The following STIM1 variants were observed in gnomAD, a reference collection of about 807,000 sequenced individuals.
STIM1 encodes the protein stromal interaction molecule 1.
In STIM1, 25 loss-of-function variants were observed where a neutral mutation model predicts 74.7. The observed-to-expected ratio is 0.33, with a 90% CI of 0.24 to 0.47. STIM1 has a LOEUF of 0.47. Among genes scored for constraint, STIM1 ranks in the 20% least tolerant of loss-of-function variants. The pLI is 1.00. For synonymous variants in STIM1, 328 were observed against 348.8 expected (o/e 0.94, Z 0.66); for missense variants, 728 against 920.8 (o/e 0.79, Z 2.71).
intron 2 of STIM1, among the ~76,000 whole-genome samples, chr11:4,017,798 C>G (rs966423907): frequency 1.3e-5 from 2 of 152,178 alleles, no homozygotes; most frequent in East Asian, 3.8e-4. Flanking sequence ...AAATTCTCAT[C>G]ACTTCCACAG....
At chr11:3,860,781 C>T (rs2090564758) in intron 1 of STIM1, among the ~76,000 whole-genome samples, 1 of 152,134 alleles carries the variant, frequency 6.6e-6, no homozygotes, top group Non-Finnish European at 1.5e-5. Flanking sequence ...TAACTTAAAT[C>T]AGTTTTTCAT....
At chr11:4,055,734 G>A in intron 4 of STIM1, 97 bp downstream of exon 4, 4 of 872,142 alleles carry the variant, frequency 4.6e-6, no homozygotes, top group Non-Finnish European at 7.2e-6. Flanking sequence ...GTGAGGTTCT[G>A]CCTTTTTCAG....
At chr11:4,077,784 C>T (rs1361633215) in intron 7 of STIM1, among the ~76,000 whole-genome samples, 1 of 152,110 alleles carries the variant, frequency 6.6e-6, no homozygotes, top group Non-Finnish European at 1.5e-5. Flanking sequence ...CTGCATTCTA[C>T]TGTAAGCATT....
intron 3 of STIM1, among the ~76,000 whole-genome samples, chr11:4,040,778 A>T (rs2094141575): frequency 6.6e-6 from 1 of 152,008 alleles, no homozygotes; most frequent in Non-Finnish European, 1.5e-5. Context: ...ATGCTGCCAG[A>T]CTTCTCTAAT....
intron 1 of STIM1, among the ~76,000 whole-genome samples, chr11:3,861,085 T>C (rs751866801): frequency 1.3e-5 from 2 of 151,602 alleles, no homozygotes; most frequent in Admixed American, 6.6e-5. Context: ...CTTGGGGAGG[T>C]TGGAGGAAAG....
intron 1 of STIM1, among the ~76,000 whole-genome samples, chr11:3,883,194 C>T (rs1397335633): frequency 6.6e-6 from 1 of 152,034 alleles, no homozygotes; most frequent in Non-Finnish European, 1.5e-5. Flanking sequence ...TCTAGAATAT[C>T]CTTCTTTTCT....
chr11:3,882,301 G>GT (rs960393129), intron 1 of STIM1, among the ~76,000 whole-genome samples: 1 of 151,674 alleles, frequency 6.6e-6, no homozygotes, highest in African/African-American at 2.4e-5. Context: ...GTTTCTCCAT[G>GT]TTGGCCAGGC....
rs185596539 is a variant in STIM1, at chr11:3,994,157, T to G, written c.270+26475T>G. Among the ~76,000 whole-genome samples, 26 of 152,324 alleles carry G rather than the reference T, an allele frequency of 1.7e-4. No individual in the cohort carries two copies. The East Asian group carries it at 4.2e-3, about 25-fold the overall frequency. Reference sequence around the variant, plus strand: ...AATTCTTGGTTGACATCCTCTCACTTCAGTGAGCCCTTTGATCATGTTATC... The same window carrying G: ...AATTCTTGGTTGACATCCTCTCACTGCAGTGAGCCCTTTGATCATGTTATC... On this transcript the variant is annotated intron_variant, in intron 2 of 12. Coordinates refer to ENST00000526596, the MANE Select transcript of STIM1 (RefSeq NM_001382567.1).
rs2094525855 is a variant in STIM1 at position 4,091,629 on chromosome 11, T to C, written c.1982T>C (p.Val661Ala). ...CCAGACCCAGACACACCATCTCCAG[T>C]TGGGGACAGCCGAGCCCTGCAAGCC... ...SSPDPDTPSP[V>A]GDSRALQASR... The change falls in exon 13 of 13, where the codon GTT becomes GCT. Residue 661 changes from valine to alanine, a missense_variant. By Grantham distance (64) the Val-to-Ala change is moderately conservative. Transcript: ENST00000526596. The C allele has an allele frequency of 3.7e-6, 6 of 1,614,046 alleles. No individual in the cohort carries two copies. The highest frequency in any genetic ancestry group is 1.6e-4 in the Middle Eastern group (1 of 6,062).
At chr11:4,038,765 C>G (rs528878666) in intron 3 of STIM1, among the ~76,000 whole-genome samples, 75 of 152,224 alleles carry the variant, frequency 4.9e-4, no homozygotes, top group African/African-American at 1.6e-3. Flanking sequence ...TATTCTTGGC[C>G]CAGCCTAGCT....
chr11:4,000,002 C>T (rs2093698174), intron 2 of STIM1, among the ~76,000 whole-genome samples: 1 of 151,920 alleles, frequency 6.6e-6, no homozygotes, highest in Admixed American at 6.5e-5. Context: ...AGTCTGAGAT[C>T]AAACTGCAAG....
intron 1 of STIM1, among the ~76,000 whole-genome samples, chr11:3,876,048 C>G (rs967740486): frequency 4.6e-5 from 7 of 152,150 alleles, no homozygotes; most frequent in African/African-American, 1.7e-4. Flanking sequence ...CTCAGTTCCT[C>G]TACTCAGTGG....
chr11:4,076,877 T>C (rs1297891165), intron 7 of STIM1, among the ~76,000 whole-genome samples: 1 of 151,824 alleles, frequency 6.6e-6, no homozygotes, highest in Admixed American at 6.6e-5. Flanking sequence ...TTAATTTCAC[T>C]AAGATCAGAG....
At chr11:3,905,126 A>G (rs542973478) in intron 1 of STIM1, among the ~76,000 whole-genome samples, 2 of 152,210 alleles carry the variant, frequency 1.3e-5, no homozygotes, top group Admixed American at 6.5e-5. Flanking sequence ...AAAGAAAGCA[A>G]TAGTGTCTGT....
At chr11:3,902,352 A>G (rs1436094647) in intron 1 of STIM1, among the ~76,000 whole-genome samples, 2 of 152,184 alleles carry the variant, frequency 1.3e-5, no homozygotes, top group Non-Finnish European at 2.9e-5. Context: ...GAGTGAAAAT[A>G]GGAGTGAGCA....
intron 2 of STIM1, among the ~76,000 whole-genome samples, chr11:3,992,081 GTTTTTTTGTTTTTT>G (rs2093620024): frequency 1.1e-5 from 1 of 91,964 alleles, no homozygotes; most frequent in South Asian, 4.0e-4. Context: ...GCCAACATCT[GTTTTTTTGTTTTTT>G]TTTTTTTTTT....
chr11:3,901,171 A>T (rs146322300), intron 1 of STIM1, among the ~76,000 whole-genome samples: 2 of 152,038 alleles, frequency 1.3e-5, no homozygotes, highest in African/African-American at 4.8e-5. Flanking sequence ...ACAGAGAGAG[A>T]CTCAGCCTCA....
intron 3 of STIM1, among the ~76,000 whole-genome samples, chr11:4,031,541 C>G (rs899310750): frequency 6.6e-6 from 1 of 152,166 alleles, no homozygotes; most frequent in Non-Finnish European, 1.5e-5. Context: ...CATATCTTTA[C>G]AAACACTTGG....
chr11:4,080,471 T>TTC (rs1554970953), intron 7 of STIM1, among the ~76,000 whole-genome samples: 1 of 150,170 alleles, frequency 6.7e-6, no homozygotes, highest in African/African-American at 2.4e-5. Context: ...CAAACAGTTT[T>TTC]TTTTTTTTTT....
Sources: allele counts gnomAD v4.1 joint callset (sites outside exome capture counted in the v4.1 genomes callset), GRCh38; gene constraint gnomAD v4.1.1; transcripts MANE v1.5; gene names NCBI Gene and HGNC (gene_info 2026-07-23, HGNC 2026-07-21).